The following DMRT1 variants were observed in gnomAD, a reference collection of about 807,000 sequenced individuals.
The protein encoded by DMRT1 is doublesex and mab-3 related transcription factor 1, also known as doublesex- and mab-3-related transcription factor 1.
In DMRT1, 7 loss-of-function variants were observed where a neutral mutation model predicts 32.3. That is an observed-to-expected ratio of 0.22 (90% CI 0.12 to 0.41). DMRT1 has a LOEUF of 0.41. Among genes scored for constraint, DMRT1 ranks in the 10% least tolerant of loss-of-function variants. The pLI is 1.00. For missense variants in DMRT1, 625 were observed against 500.5 expected (o/e 1.25, Z -2.37); for synonymous variants, 278 against 206.1 (o/e 1.35, Z -2.99).
intron 2 of DMRT1, among the ~76,000 whole-genome samples, chr9:892,159 T>A (rs1462247900): frequency 6.6e-6 from 1 of 152,182 alleles, no homozygotes; most frequent in Non-Finnish European, 1.5e-5. Flanking sequence ...CTAGAACTGT[T>A]TGCTTGATGT....
chr9:855,249 C>T (rs1815347916), intron 2 of DMRT1, among the ~76,000 whole-genome samples: 1 of 151,836 alleles, frequency 6.6e-6, no homozygotes, highest in African/African-American at 2.4e-5. Flanking sequence ...ACTTGTCTAC[C>T]TTTGACTAGA....
chr9:884,423 G>A (rs1216918811), intron 2 of DMRT1, among the ~76,000 whole-genome samples: 1 of 151,548 alleles, frequency 6.6e-6, no homozygotes, highest in Non-Finnish European at 1.5e-5. Flanking sequence ...AGAACTGAAT[G>A]TGCAGAAAGT....
chr9:887,064 G>A (rs1293044230), intron 2 of DMRT1, among the ~76,000 whole-genome samples: 1 of 152,194 alleles, frequency 6.6e-6, no homozygotes, highest in Non-Finnish European at 1.5e-5. Context: ...GGTGGCGGGA[G>A]CCTATAATCT....
intron 3 of DMRT1, among the ~76,000 whole-genome samples, chr9:915,778 G>A (rs1818158275): frequency 6.6e-6 from 1 of 150,502 alleles, no homozygotes; most frequent in African/African-American, 2.5e-5. Flanking sequence ...TGTCGCCCAG[G>A]CTGGAGTGCA....
intron 4 of DMRT1, among the ~76,000 whole-genome samples, chr9:924,522 C>T (rs538882871): frequency 6.6e-6 from 1 of 151,974 alleles, no homozygotes; most frequent in Non-Finnish European, 1.5e-5. Flanking sequence ...GACCTTTTAC[C>T]GTGGCTTATG....
intron 4 of DMRT1, among the ~76,000 whole-genome samples, chr9:960,183 C>T (rs1275728251): frequency 6.6e-6 from 1 of 152,154 alleles, no homozygotes; most frequent in Non-Finnish European, 1.5e-5. Flanking sequence ...TACATGATGC[C>T]GTGAAAAGCA....
chr9:892,005 G>C (rs16925359), intron 2 of DMRT1, among the ~76,000 whole-genome samples: 5,781 of 152,224 alleles, frequency 0.038, 155 homozygotes, highest in African/African-American at 0.078. Context: ...GGTAGTCCTG[G>C]TAGGAGAGAG....
intron 2 of DMRT1, among the ~76,000 whole-genome samples, chr9:891,784 A>T (rs1005153927): frequency 4.0e-5 from 6 of 151,764 alleles, no homozygotes; most frequent in Non-Finnish European, 5.9e-5. Context: ...TCGGCCTCCC[A>T]AAGTGCTGGG....
chr9:907,314 T>C (rs551197221), intron 3 of DMRT1, among the ~76,000 whole-genome samples: 29 of 152,214 alleles, frequency 1.9e-4, no homozygotes, highest in Non-Finnish European at 3.8e-4. Context: ...CTGGTATACA[T>C]GGGTTCAGTT....
chr9:896,366 C>A (rs1430514232), intron 3 of DMRT1, among the ~76,000 whole-genome samples: 1 of 148,678 alleles, frequency 6.7e-6, no homozygotes, highest in African/African-American at 2.5e-5. Flanking sequence ...GCAACCTCCA[C>A]CTCCTGGGTT....
At chr9:863,704 T>G (rs1295981186) in intron 2 of DMRT1, among the ~76,000 whole-genome samples, 1 of 152,236 alleles carries the variant, frequency 6.6e-6, no homozygotes, top group Non-Finnish European at 1.5e-5. Flanking sequence ...GATAGTCAAT[T>G]TGTGTCATTT....
chr9:958,109 A>G (rs1319320701), intron 4 of DMRT1, among the ~76,000 whole-genome samples: 2 of 152,222 alleles, frequency 1.3e-5, no homozygotes. Flanking sequence ...TTGGCATAGT[A>G]TGATAAGCCA....
intron 3 of DMRT1, among the ~76,000 whole-genome samples, chr9:915,133 T>C (rs1332903515): frequency 6.6e-6 from 1 of 152,260 alleles, no homozygotes; most frequent in East Asian, 1.9e-4. Context: ...GAACATTCCC[T>C]TAGATCGAAT....
intron 4 of DMRT1, among the ~76,000 whole-genome samples, chr9:947,071 C>T (rs931512948): frequency 2.0e-5 from 3 of 152,158 alleles, no homozygotes; most frequent in Admixed American, 6.5e-5. Context: ...TGAAGCAACT[C>T]GTCTACAGCA....
chr9:888,542 C>T (rs1268039113), intron 2 of DMRT1, among the ~76,000 whole-genome samples: 1 of 152,090 alleles, frequency 6.6e-6, no homozygotes, highest in Non-Finnish European at 1.5e-5. Flanking sequence ...TCAAGTGAAC[C>T]TTGTACCTCG....
At chr9:859,952 A>C (rs1402839203) in intron 2 of DMRT1, among the ~76,000 whole-genome samples, 4 of 152,198 alleles carry the variant, frequency 2.6e-5, no homozygotes, top group Non-Finnish European at 5.9e-5. Flanking sequence ...AGAACTTATA[A>C]AAATTGCCGT....
At chr9:948,534 C>A (rs1454660687) in intron 4 of DMRT1, among the ~76,000 whole-genome samples, 3 of 152,190 alleles carry the variant, frequency 2.0e-5, no homozygotes, top group African/African-American at 7.2e-5. Context: ...CTGTTGGAAG[C>A]CTCTCTGCTG....
Position 965,751 on chromosome 9 carries a change from G to C in DMRT1, c.968-2234G>C, listed in dbSNP as rs1196331616. ...TTAAACTCACACAGGGATTGGGAAG[G>C]TTCAGCTGCCAGTTCTGAAATGTGG... On this transcript the variant is annotated intron_variant, in intron 4 of 4. Coordinates refer to ENST00000382276, the MANE Select transcript of DMRT1 (RefSeq NM_021951.3). This position sits in a 1 kb window ranked among gnomAD's most constrained non-coding sequence, Gnocchi z 4.5. 1.3e-5 allele frequency among the ~76,000 whole-genome samples: 2 copies of C among 152,166 alleles called. No homozygotes were observed. Among genetic ancestry groups the C allele is most frequent in the African/African-American group, 4.8e-5 (2 of 41,420 alleles).
intron 2 of DMRT1, among the ~76,000 whole-genome samples, chr9:880,043 A>G (rs141537678): frequency 1.3e-5 from 2 of 152,364 alleles, no homozygotes; most frequent in African/African-American, 4.8e-5. Flanking sequence ...AATTTCGGCA[A>G]TAAATACTGT....
Sources: gnomAD v4.1 joint callset for allele counts (sites outside exome capture counted in the v4.1 genomes callset) on GRCh38, gnomAD v4.1.1 for gene constraint, Gnocchi (gnomAD v3.1) non-coding constraint, MANE v1.5 for transcripts, NCBI Gene and HGNC (gene_info 2026-07-23, HGNC 2026-07-21) for gene names.